CTNND2: variants seen among roughly 807,000 people sequenced by gnomAD.
CTNND2 encodes the protein catenin delta-2.
In CTNND2, 22 loss-of-function variants were observed where a neutral mutation model predicts 144.4. That is an observed-to-expected ratio of 0.15 (90% CI 0.11 to 0.22). The LOEUF (loss-of-function observed/expected upper bound fraction) is 0.22. CTNND2 is among the 10% of genes least tolerant of loss of function. The pLI is 1.00. For missense variants in CTNND2, 1,353 were observed against 1,618.8 expected, an observed-to-expected ratio of 0.84 and a Z score of 2.82; for synonymous variants, 751 against 695.6, an observed-to-expected ratio of 1.08 and a Z score of -1.25.
intron 18 of CTNND2, among the ~76,000 whole-genome samples, chr5:11,015,348 C>A (rs1043715502): frequency 6.6e-6 from 1 of 152,196 alleles, no homozygotes; most frequent in Non-Finnish European, 1.5e-5. Flanking sequence ...TTTCATTTCA[C>A]AACTGCATAA....
At chr5:11,802,433 G>A (rs1202334848) in intron 1 of CTNND2, among the ~76,000 whole-genome samples, 3 of 150,896 alleles carry the variant, frequency 2.0e-5, no homozygotes, top group Non-Finnish European at 4.4e-5. Context: ...TGGGCGTGGT[G>A]GCGCATGCCT....
intron 1 of CTNND2, among the ~76,000 whole-genome samples, chr5:11,800,731 A>C (rs1388572521): frequency 6.6e-6 from 1 of 152,224 alleles, no homozygotes; most frequent in Non-Finnish European, 1.5e-5. Context: ...CTTTTAGTAG[A>C]ATAACAGCAT....
intron 12 of CTNND2, among the ~76,000 whole-genome samples, chr5:11,155,130 C>T (rs993560676): frequency 3.0e-4 from 46 of 151,652 alleles, no homozygotes; most frequent in Non-Finnish European, 6.0e-4. Flanking sequence ...CCAGAGAGAG[C>T]GGAGCCAGCT....
intron 1 of CTNND2, among the ~76,000 whole-genome samples, chr5:11,871,714 T>G (rs888688852): frequency 1.2e-4 from 18 of 152,310 alleles, no homozygotes; most frequent in African/African-American, 4.3e-4. Flanking sequence ...GTTGTTCATA[T>G]TTTAGTATTT....
At chr5:11,535,082 G>A (rs964603654) in intron 3 of CTNND2, among the ~76,000 whole-genome samples, 1 of 151,900 alleles carries the variant, frequency 6.6e-6, no homozygotes, top group African/African-American at 2.4e-5. Flanking sequence ...CACCTACTTG[G>A]GAGGTTGAGG....
intron 2 of CTNND2, among the ~76,000 whole-genome samples, chr5:11,662,177 A>ACATATGTGTATATATGTGTATATATG (rs1783267272): frequency 2.3e-5 from 3 of 131,706 alleles, no homozygotes; most frequent in African/African-American, 8.9e-5. Flanking sequence ...GTGTATATAT[A>ACATATGTGTATATATGTGTATATATG]CATATATGTG....
At chr5:11,540,860 T>A (rs1774666059) in intron 3 of CTNND2, among the ~76,000 whole-genome samples, 1 of 152,210 alleles carries the variant, frequency 6.6e-6, no homozygotes, top group Admixed American at 6.5e-5. Context: ...ACCTCTAGTA[T>A]GAGAGTTAAG....
chr5:11,658,427 T>C (rs759790202), intron 2 of CTNND2, among the ~76,000 whole-genome samples: 1 of 152,118 alleles, frequency 6.6e-6, no homozygotes, highest in Non-Finnish European at 1.5e-5. Context: ...TCGGTGACAG[T>C]GGTGCATTCT....
At chr5:11,635,113 A>G (rs1459897757) in intron 2 of CTNND2, among the ~76,000 whole-genome samples, 1 of 152,054 alleles carries the variant, frequency 6.6e-6, no homozygotes, top group Non-Finnish European at 1.5e-5. Flanking sequence ...CTGTAAACTT[A>G]GGAAGGAAGA....
intron 20 of CTNND2, among the ~76,000 whole-genome samples, chr5:10,983,295 T>C (rs1216108576): frequency 7.0e-6 from 1 of 143,680 alleles, no homozygotes; most frequent in Non-Finnish European, 1.6e-5. Context: ...TATTCATAAA[T>C]TTTTTTTTAA....
In CTNND2 at chr5:11,577,359, T is replaced by A. The variant is rs1778051012; in HGVS notation, c.175-12303A>T. On this transcript the variant is annotated intron_variant, in intron 2 of 21. Transcript: ENST00000304623. ...GACAGTTCTAAGTCTAGTAAAATAG[T>A]TGAAATCAACACATCATTAAATAGA... is the stretch of plus-strand genomic sequence containing the variant. Among the ~76,000 whole-genome samples, 4 of 152,204 alleles carry A rather than the reference T, an allele frequency of 2.6e-5. No homozygotes were observed. In the South Asian group the frequency reaches 8.3e-4, roughly 32 times the overall value.
At chr5:11,662,177 A>ACACATATGTGTATATATGTGTATATATG (rs1783267132) in intron 2 of CTNND2, among the ~76,000 whole-genome samples, 1 of 131,706 alleles carries the variant, frequency 7.6e-6, no homozygotes, top group African/African-American at 3.0e-5. Flanking sequence ...GTGTATATAT[A>ACACATATGTGTATATATGTGTATATATG]CATATATGTG....
intron 2 of CTNND2, among the ~76,000 whole-genome samples, chr5:11,579,931 C>T (rs1395853823): frequency 1.3e-5 from 2 of 152,138 alleles, no homozygotes; most frequent in Admixed American, 1.3e-4. Flanking sequence ...ACATATTGGG[C>T]CAATTTTTTC....
chr5:11,860,582 C>T (rs933608400), intron 1 of CTNND2, among the ~76,000 whole-genome samples: 1 of 152,128 alleles, frequency 6.6e-6, no homozygotes, highest in Non-Finnish European at 1.5e-5. Flanking sequence ...ATACACATGC[C>T]TTTACTGCTT....
At chr5:11,809,408 T>C (rs937389115) in intron 1 of CTNND2, among the ~76,000 whole-genome samples, 1 of 152,198 alleles carries the variant, frequency 6.6e-6, no homozygotes, top group Non-Finnish European at 1.5e-5. Context: ...TTACTTAGAA[T>C]ATCTACCAAG....
chr5:11,631,431 A>G (rs1781407999), intron 2 of CTNND2, among the ~76,000 whole-genome samples: 1 of 152,108 alleles, frequency 6.6e-6, no homozygotes, highest in South Asian at 2.1e-4. Flanking sequence ...GGCCCTATTT[A>G]CTCAAGATAA....
At chr5:11,310,605 T>C (rs538340891) in intron 9 of CTNND2, among the ~76,000 whole-genome samples, 1 of 152,010 alleles carries the variant, frequency 6.6e-6, no homozygotes, top group African/African-American at 2.4e-5. Context: ...ACAAAGGCCA[T>C]GCTGTTTCTC....
intron 1 of CTNND2, among the ~76,000 whole-genome samples, chr5:11,852,184 G>A (rs1795048781): frequency 6.6e-6 from 1 of 152,024 alleles, no homozygotes; most frequent in African/African-American, 2.4e-5. Flanking sequence ...TCAGCCCCAA[G>A]AATGCCACAG....
intron 1 of CTNND2, among the ~76,000 whole-genome samples, chr5:11,808,334 T>G (rs1287963155): frequency 6.6e-6 from 1 of 152,094 alleles, no homozygotes; most frequent in Non-Finnish European, 1.5e-5. Context: ...AGACAGAAAC[T>G]GCTATGCTCA....
Sources: gnomAD v4.1 joint callset for allele counts (sites outside exome capture counted in the v4.1 genomes callset) on GRCh38, gnomAD v4.1.1 for gene constraint, MANE v1.5 for transcripts, NCBI Gene and HGNC (gene_info 2026-07-23, HGNC 2026-07-21) for gene names.